NALF1: variants seen among roughly 807,000 people sequenced by gnomAD.
The protein encoded by NALF1 is family with sequence similarity 155 member A.
A neutral mutation model predicts 48.4 loss-of-function variants in NALF1; 3 were observed. The observed-to-expected ratio is 0.06, with a 90% CI of 0.03 to 0.16. The LOEUF is 0.16. Ranked by LOEUF, NALF1 falls within the 10% of genes least tolerant of loss-of-function variation. The pLI, the probability that NALF1 is intolerant of heterozygous loss-of-function variation, is 1.00. For synonymous variants in NALF1, 262 were observed against 245.7 expected (o/e 1.07, Z -0.62); for missense variants, 526 against 571.5 (o/e 0.92, Z 0.81).
chr13:107,234,807 G>C (rs1880306699), intron 1 of NALF1, among the ~76,000 whole-genome samples: 1 of 152,264 alleles, frequency 6.6e-6, no homozygotes, highest in African/African-American at 2.4e-5. Flanking sequence ...TTATACTTAA[G>C]AACTGGCCTA....
chr13:107,849,975 A>G (rs1880268716), intron 1 of NALF1, among the ~76,000 whole-genome samples: 1 of 152,178 alleles, frequency 6.6e-6, no homozygotes, highest in East Asian at 1.9e-4. Flanking sequence ...GTAATTTATT[A>G]TTTTCTTCCT....
At chr13:107,379,345 C>T (rs2138972150) in intron 1 of NALF1, among the ~76,000 whole-genome samples, 1 of 152,122 alleles carries the variant, frequency 6.6e-6, no homozygotes, top group East Asian at 1.9e-4. Flanking sequence ...AAGCCTGGGA[C>T]AATTTTCTTA....
chr13:107,524,337 G>GGCA (rs1390032500), intron 1 of NALF1, among the ~76,000 whole-genome samples: 1 of 152,148 alleles, frequency 6.6e-6, no homozygotes, highest in Non-Finnish European at 1.5e-5. Context: ...GGCCAGAGCA[G>GGCA]AAGTAGAGGT....
chr13:107,721,514 C>T (rs965910328), intron 1 of NALF1, among the ~76,000 whole-genome samples: 1 of 152,202 alleles, frequency 6.6e-6, no homozygotes. Context: ...CAATATGAGA[C>T]TACAGCTCTC....
At chr13:107,540,468 G>A (rs1876969533) in intron 1 of NALF1, among the ~76,000 whole-genome samples, 1 of 151,836 alleles carries the variant, frequency 6.6e-6, no homozygotes, top group Non-Finnish European at 1.5e-5. Flanking sequence ...TCCTAAAGTT[G>A]CATTCTTGAT....
At chr13:107,536,792 C>T (rs1268031195) in intron 1 of NALF1, among the ~76,000 whole-genome samples, 11 of 152,054 alleles carry the variant, frequency 7.2e-5, no homozygotes, top group East Asian at 3.9e-4. Flanking sequence ...ATGTTTACTG[C>T]AGCACTATTC....
At chr13:107,834,861 T>C (rs1186651533) in intron 1 of NALF1, among the ~76,000 whole-genome samples, 3 of 152,174 alleles carry the variant, frequency 2.0e-5, no homozygotes, top group Non-Finnish European at 4.4e-5. Flanking sequence ...TCAGAAAGGT[T>C]CCTAAGGAAA....
At chr13:107,307,062 C>T (rs1463917552) in intron 1 of NALF1, among the ~76,000 whole-genome samples, 1 of 152,194 alleles carries the variant, frequency 6.6e-6, no homozygotes, top group Non-Finnish European at 1.5e-5. Flanking sequence ...TTCTTAATAA[C>T]ACGTTTTCAT....
At chr13:107,449,123 A>G (rs1884699813) in intron 1 of NALF1, among the ~76,000 whole-genome samples, 1 of 152,232 alleles carries the variant, frequency 6.6e-6, no homozygotes, top group Non-Finnish European at 1.5e-5. Flanking sequence ...GGGCACCTAT[A>G]ATCCCAGCTA....
At position 107,288,378 on chromosome 13, in the gene NALF1, G is replaced by C. The variant is rs1165494024; in HGVS notation, c.916-77623C>G. On this transcript the variant is annotated intron_variant, in intron 1 of 2. Coordinates refer to ENST00000375915, the MANE Select transcript of NALF1 (RefSeq NM_001080396.3). ...GGGATTACAGGCACCCGCCACCACA[G>C]CCAGCTAATTTTTGTATTTTTAGTA... Among the ~76,000 whole-genome samples, 243 of 148,804 alleles carry C rather than the reference G, an allele frequency of 1.6e-3. 1 individual carries two copies. Among genetic ancestry groups the C allele is most frequent in the African/African-American group, 5.7e-3 (232 of 40,634 alleles).
chr13:107,306,369 C>T (rs1322649051), intron 1 of NALF1, among the ~76,000 whole-genome samples: 1 of 152,158 alleles, frequency 6.6e-6, no homozygotes, highest in Non-Finnish European at 1.5e-5. Context: ...TCAAATCCCA[C>T]CATCGGGTTC....
At chr13:107,427,352 C>T (rs1566337923) in intron 1 of NALF1, among the ~76,000 whole-genome samples, 5 of 151,952 alleles carry the variant, frequency 3.3e-5, no homozygotes, top group Admixed American at 6.6e-5. Context: ...TACTTTTTGT[C>T]TCTAGAGTAT....
intron 1 of NALF1, among the ~76,000 whole-genome samples, chr13:107,645,445 G>A (rs919830969): frequency 2.0e-5 from 3 of 152,038 alleles, no homozygotes; most frequent in Admixed American, 2.0e-4. Context: ...ATGGAATGCT[G>A]TTACTATTTA....
chr13:107,246,793 C>T (rs1298659296), intron 1 of NALF1, among the ~76,000 whole-genome samples: 1 of 152,084 alleles, frequency 6.6e-6, no homozygotes, highest in African/African-American at 2.4e-5. Flanking sequence ...AATTGCCAAA[C>T]ATCATACTTA....
At chr13:107,351,503 G>A (rs931114700) in intron 1 of NALF1, among the ~76,000 whole-genome samples, 35 of 152,166 alleles carry the variant, frequency 2.3e-4, no homozygotes, top group Admixed American at 2.3e-3. Context: ...ATGCAGATAA[G>A]ATGCTCCCGG....
intron 1 of NALF1, among the ~76,000 whole-genome samples, chr13:107,667,230 T>C (rs752840171): frequency 2.0e-5 from 3 of 152,030 alleles, no homozygotes; most frequent in Admixed American, 6.6e-5. Context: ...CATTTTAAAG[T>C]TGGAGAGTCA....
At chr13:107,381,091 TATATATGAAATAAAATATATATTC>T (rs1041257464) in intron 1 of NALF1, among the ~76,000 whole-genome samples, 5 of 148,474 alleles carry the variant, frequency 3.4e-5, no homozygotes, top group South Asian at 2.1e-4. Flanking sequence ...AATATATTCA[TATATATGAAATAAAATATATATTC>T]ATATATGAAA....
At chr13:107,230,971 G>A (rs1025963658) in intron 1 of NALF1, among the ~76,000 whole-genome samples, 3 of 148,934 alleles carry the variant, frequency 2.0e-5, no homozygotes, top group South Asian at 2.2e-4. Context: ...GAGGTGGGAG[G>A]ATTGCTTGAG....
At chr13:107,599,203 G>A (rs1015988396) in intron 1 of NALF1, among the ~76,000 whole-genome samples, 12 of 152,014 alleles carry the variant, frequency 7.9e-5, no homozygotes, top group Admixed American at 4.6e-4. Flanking sequence ...GGCAGATCAC[G>A]AGGTCAGGAG....
Sources: gnomAD v4.1 joint callset for allele counts (sites outside exome capture counted in the v4.1 genomes callset) on GRCh38, gnomAD v4.1.1 for gene constraint, MANE v1.5 for transcripts, NCBI Gene and HGNC (gene_info 2026-07-23, HGNC 2026-07-21) for gene names.